The following ZNF568 variants were observed in gnomAD, a reference collection of about 807,000 sequenced individuals.
ZNF568 encodes the protein zinc finger protein 568.
In ZNF568, 11 loss-of-function variants were observed where a neutral mutation model predicts 18.1. The ratio of observed to expected loss-of-function variants is 0.61; its 90% confidence interval spans 0.38 to 1.00. The LOEUF is 1.00. Among genes scored for constraint, ZNF568 ranks in the 50% least tolerant of loss-of-function variants. ZNF568 has a pLI of 0.01. For missense variants in ZNF568, 639 were observed against 768.2 expected (o/e 0.83, Z 1.99); for synonymous variants, 213 against 246.6 (o/e 0.86, Z 1.28).
intron 6 of ZNF568, among the ~76,000 whole-genome samples, chr19:36,948,363 G>A (rs1270117795): frequency 1.3e-5 from 2 of 152,148 alleles, no homozygotes; most frequent in African/African-American, 4.8e-5. Flanking sequence ...CAGTTTATCC[G>A]TTCACCTAGT....
intron 4 of ZNF568, among the ~76,000 whole-genome samples, chr19:36,934,230 T>C (rs1322886482): frequency 6.6e-6 from 1 of 151,838 alleles, no homozygotes; most frequent in Non-Finnish European, 1.5e-5. Context: ...CTAAATTTCT[T>C]TGATTTCCAT....
downstream of ZNF568, among the ~76,000 whole-genome samples, chr19:36,955,999 G>A (rs112406327): frequency 0.017 from 2,591 of 152,272 alleles, 33 homozygotes; most frequent in African/African-American, 0.036. Flanking sequence ...AGCAGGCTTT[G>A]AGATGAGGAT....
chr19:36,950,334 A>C lies in ZNF568; in HGVS notation c.1181A>C (p.Lys394Thr), dbSNP rs1239155418. ...HTGEKPYKCNKCGKAFSQCSV... is the reference protein window; with the variant it reads ...HTGEKPYKCNTCGKAFSQCSV... ...GGGGAGAAACCCTATAAATGTAATAAATGTGGAAAAGCTTTCTCTCAATGC... is the reference window on the plus strand; with the variant it reads ...GGGGAGAAACCCTATAAATGTAATACATGTGGAAAAGCTTTCTCTCAATGC... Residue 394 changes from lysine to threonine, a missense_variant, in exon 7 of 7, where the codon AAA becomes ACA. Coordinates refer to ENST00000333987, the MANE Select transcript of ZNF568 (RefSeq NM_198539.4). The C allele has an allele frequency of 6.2e-7, 1 of 1,613,916 alleles. No homozygotes were observed. The highest frequency in any genetic ancestry group is 8.5e-7 in the Non-Finnish European group (1 of 1,179,834).
intron 6 of ZNF568, among the ~76,000 whole-genome samples, chr19:36,958,616 C>CTTTCTT (rs773667287): frequency 2.7e-4 from 27 of 99,086 alleles, no homozygotes; most frequent in Non-Finnish European, 3.8e-4. Flanking sequence ...CTTTTTCTTT[C>CTTTCTT]TTTTTTTTTT....
intron 2 of ZNF568, among the ~76,000 whole-genome samples, chr19:36,919,085 T>C (rs537518878): frequency 3.3e-5 from 5 of 152,356 alleles, no homozygotes; most frequent in Admixed American, 6.5e-5. Context: ...GTGACACTGC[T>C]ACAAACATGG....
At chr19:36,926,240 T>A (rs989561971) in intron 4 of ZNF568, among the ~76,000 whole-genome samples, 7 of 152,216 alleles carry the variant, frequency 4.6e-5, no homozygotes, top group Admixed American at 2.0e-4. Context: ...TCTCTGCTCT[T>A]GATTCTTTTT....
chr19:36,995,052 G>A (rs2074458208), intron 4 of ZNF568, among the ~76,000 whole-genome samples: 3 of 151,706 alleles, frequency 2.0e-5, no homozygotes, highest in African/African-American at 7.3e-5. Context: ...TCTTTGCATG[G>A]TATATCTTTT....
At chr19:36,949,424 A>C (rs564936824) in intron 6 of ZNF568, 88 bp from the exon 7 acceptor site, 116 of 1,345,270 alleles carry the variant, frequency 8.6e-5, no homozygotes, top group Non-Finnish European at 1.1e-4. Flanking sequence ...TCAAAGATTA[A>C]ACCCCACATT....
At chr19:36,996,844 C>T in exon 5 of ZNF568, 1 of 1,541,410 alleles carries the variant, frequency 6.5e-7, no homozygotes, top group Non-Finnish European at 8.7e-7. Flanking sequence ...AATTAGTCAG[C>T]ATCAGAGGAT....
In ZNF568 at chr19:36,951,113, AC is replaced by A. The variant is rs1387078334; in HGVS notation, c.*28del. Reference sequence around the variant, plus strand: ...AATGAAAGAAGGCCTCTTAAATTCAACCCATGTTTTACTTAAAATATCTTGG... The same window carrying A: ...AATGAAAGAAGGCCTCTTAAATTCAACCATGTTTTACTTAAAATATCTTGG... On this transcript the variant is annotated 3_prime_UTR_variant, in exon 7 of 7. Transcript: ENST00000333987. The A allele has an allele frequency of 4.7e-6, 7 of 1,483,112 alleles. No individual in the cohort carries two copies. The highest frequency in any genetic ancestry group is 4.2e-5 in the African/African-American group (3 of 70,624). The allele number at this position is 1,483,112 out of a possible 1,614,324, so 91.9% of individuals were successfully genotyped here. A position where few individuals can be genotyped will look rare whatever the true frequency, so the allele number is the denominator to read the frequency against.
At chr19:36,942,019 T>G (rs1310477902) in intron 6 of ZNF568, among the ~76,000 whole-genome samples, 2 of 150,690 alleles carry the variant, frequency 1.3e-5, no homozygotes, top group African/African-American at 4.9e-5. Flanking sequence ...GTCTTGCTGT[T>G]GTTGCCCAGG....
chr19:36,932,765 C>T (rs1465020600), intron 4 of ZNF568, among the ~76,000 whole-genome samples: 2 of 152,142 alleles, frequency 1.3e-5, no homozygotes, highest in African/African-American at 2.4e-5. Flanking sequence ...TTTTGATTTA[C>T]ACGTACTGTA....
intron 6 of ZNF568, among the ~76,000 whole-genome samples, chr19:36,969,662 A>G (rs1460276719): frequency 6.6e-6 from 1 of 152,016 alleles, no homozygotes; most frequent in African/African-American, 2.4e-5. Flanking sequence ...TCCGTCTTCA[A>G]AGCACATCCC....
chr19:36,983,499 A>G (rs964080197), downstream of ZNF568, among the ~76,000 whole-genome samples: 6 of 152,154 alleles, frequency 3.9e-5, no homozygotes, highest in African/African-American at 1.4e-4. Flanking sequence ...CTCTTTTGTT[A>G]AGGTCCAGGG....
chr19:36,982,844 G>T (rs187518942), downstream of ZNF568, among the ~76,000 whole-genome samples: 4 of 152,222 alleles, frequency 2.6e-5, no homozygotes, highest in Admixed American at 6.5e-5. Context: ...GATGTGTGAT[G>T]AATTTTTACA....
rs563689695 is a variant in ZNF568 at position 36,951,035 on chromosome 19, T to A, written c.1882T>A (p.Ser628Thr). The A allele has an allele frequency of 1.0e-4, 162 of 1,606,112 alleles. 3 individuals are homozygous for A. In the South Asian group the frequency reaches 1.7e-3, roughly 17 times the overall value. ...TGGGAAAGCATTCTCTCAAAGAGCA[T>A]CCCTTTCTATACATAAGAGAGGTCA... ...ECGKAFSQRA[S>T]LSIHKRGHTG... Residue 628 changes from serine (S) to threonine (T), a missense_variant, in exon 7 of 7, where the codon TCC (serine) becomes ACC (threonine). Ser to Thr is a moderately conservative substitution (Grantham distance 58, BLOSUM62 1). Coordinates refer to ENST00000333987, the MANE Select transcript of ZNF568 (RefSeq NM_198539.4).
downstream of ZNF568, among the ~76,000 whole-genome samples, chr19:36,955,202 T>A (rs1372660337): frequency 6.6e-6 from 1 of 152,190 alleles, no homozygotes; most frequent in Non-Finnish European, 1.5e-5. Flanking sequence ...GACTTTTTTT[T>A]TTTGTCTAAA....
chr19:36,949,564 G>A lies in ZNF568; in HGVS notation c.411G>A (p.Arg137=), dbSNP rs1351944063. 2 of 1,609,634 alleles carry A rather than the reference G, an allele frequency of 1.2e-6. No individual in the cohort carries two copies. Among genetic ancestry groups the A allele is most frequent in the Non-Finnish European group, 8.5e-7 (1 of 1,178,284 alleles). The change falls in exon 7 of 7, where the codon AGG becomes AGA. Residue 137 remains arginine, a synonymous_variant. Transcript: ENST00000333987. ...QIKKQQETLV[R]KVTSISKKIL... is the part of the protein sequence containing the mutation. Reference sequence around the variant, plus strand: ...AGAAGCAACAGGAAACACTTGTGAGGAAAGTCACATCCATCTCCAAGAAAA... The same window carrying A: ...AGAAGCAACAGGAAACACTTGTGAGAAAAGTCACATCCATCTCCAAGAAAA...
Position 36,922,836 on chromosome 19 carries a change from G to T in ZNF568, c.66G>T (p.Met22Ile). 1 of 1,613,942 alleles carries T rather than the reference G, an allele frequency of 6.2e-7. No individual in the cohort carries two copies. Among genetic ancestry groups the T allele is most frequent in the Non-Finnish European group, 8.5e-7 (1 of 1,179,890 alleles). ...CVTMERLSHM[M>I]ERKAWCSQES... Reference sequence around the variant, plus strand: ...CAATGGAGCGTTTGAGCCACATGATGGAAAGGAAAGGTGAGGTGGCTCATA... The same window carrying T: ...CAATGGAGCGTTTGAGCCACATGATTGAAAGGAAAGGTGAGGTGGCTCATA... The change falls in exon 3 of 7, where the codon ATG (methionine) becomes ATT (isoleucine). Residue 22 changes from methionine to isoleucine, a missense_variant. Physicochemically the swap from Met to Ile is conservative, Grantham distance 10. Transcript: ENST00000333987.
Sources: allele counts gnomAD v4.1 joint callset (sites outside exome capture counted in the v4.1 genomes callset), GRCh38; gene constraint gnomAD v4.1.1; transcripts MANE v1.5; gene names NCBI Gene and HGNC (gene_info 2026-07-23, HGNC 2026-07-21).